The following TANC2 variants were observed in gnomAD, a reference collection of about 807,000 sequenced individuals.
The protein encoded by TANC2 is protein TANC2.
TANC2 carries 26 observed loss-of-function variants against 210.5 expected under a neutral mutation model. The ratio of observed to expected loss-of-function variants is 0.12; its 90% CI spans 0.09 to 0.17. The LOEUF (loss-of-function observed/expected upper bound fraction) is 0.17. TANC2 is among the 10% of genes least tolerant of loss of function. The probability of loss-of-function intolerance (pLI) is 1.00; values close to 1 mark genes in which losing one functional copy is unlikely to be tolerated. For synonymous variants in TANC2, 931 were observed against 967.1 expected (o/e 0.96, Z 0.69); for missense variants, 2,129 against 2,608.9 (o/e 0.82, Z 4.01).
chr17:62,980,987 C>G (rs1598182265), intron 1 of TANC2, among the ~76,000 whole-genome samples: 2 of 152,164 alleles, frequency 1.3e-5, no homozygotes, highest in East Asian at 3.9e-4. Flanking sequence ...TTGGCCAAAC[C>G]TTGATGAAAA....
intron 2 of TANC2, among the ~76,000 whole-genome samples, chr17:63,057,306 A>G (rs1316517278): frequency 1.3e-5 from 2 of 152,184 alleles, no homozygotes; most frequent in African/African-American, 2.4e-5. Flanking sequence ...AAGGAAGGAA[A>G]ATTGACTTAA....
intron 2 of TANC2, among the ~76,000 whole-genome samples, chr17:63,047,097 C>T (rs1057024024): frequency 1.6e-4 from 24 of 152,118 alleles, no homozygotes; most frequent in African/African-American, 4.8e-4. Flanking sequence ...TCTTCATATA[C>T]GAAGGCAGGG....
chr17:63,354,908 T>A (rs1567946124), exon 14 of TANC2: 1 of 1,613,840 alleles, frequency 6.2e-7, no homozygotes, highest in Non-Finnish European at 8.5e-7. Context: ...AGATCCAGAA[T>A]AACATTTCAC....
intron 9 of TANC2, among the ~76,000 whole-genome samples, chr17:63,289,834 G>C (rs1490760221): frequency 2.0e-5 from 3 of 152,168 alleles, no homozygotes; most frequent in Non-Finnish European, 4.4e-5. Flanking sequence ...GTAGTGAGCT[G>C]TGGGGATGAG....
rs776432017 is a variant in TANC2, at chr17:63,420,537, C to A, written c.4807C>A (p.Pro1603Thr). The change falls in exon 28 of 28, where the codon CCT becomes ACT. Residue 1603 changes from proline (P) to threonine (T), a missense_variant. By Grantham distance (38) the Pro-to-Thr change is conservative. Around this residue, in one of 5 missense-constraint regions of TANC2, gnomAD observed 584 missense variants for 627.3 expected, o/e 0.93. Coordinates refer to ENST00000689528, the Ensembl canonical transcript of TANC2. This position sits in a 1 kb window ranked among gnomAD's most constrained non-coding sequence, Gnocchi z 4.2. Reference sequence around the variant, plus strand: ...GGGAGGATCTTACCGTTTCAGCCCCCCTCCTGTGGGAGGACAGGGCAAAGA... The same window carrying A: ...GGGAGGATCTTACCGTTTCAGCCCCACTCCTGTGGGAGGACAGGGCAAAGA... 5 of 1,613,968 alleles carry A rather than the reference C, an allele frequency of 3.1e-6. No individual in the cohort carries two copies. The South Asian group carries it at 3.3e-5, about 11-fold the overall frequency.
intron 2 of TANC2, among the ~76,000 whole-genome samples, chr17:63,026,147 T>A (rs1013156561): frequency 6.6e-6 from 1 of 152,182 alleles, no homozygotes; most frequent in Non-Finnish European, 1.5e-5. Flanking sequence ...CCCTTCTTCA[T>A]GTCACCTTTT....
chr17:63,207,211 CTTTTTTTTTT>C (rs948663767), intron 7 of TANC2, among the ~76,000 whole-genome samples: 69 of 113,804 alleles, frequency 6.1e-4, no homozygotes, highest in Admixed American at 5.2e-3. Flanking sequence ...TTTTTTTTTC[CTTTTTTTTTT>C]TTTTTTTTTT....
chr17:63,029,330 G>A (rs1272733343), intron 2 of TANC2, among the ~76,000 whole-genome samples: 1 of 152,110 alleles, frequency 6.6e-6, no homozygotes, highest in African/African-American at 2.4e-5. Context: ...CCAGTAGTCT[G>A]TGCCAGACCA....
At chr17:63,173,504 T>A (rs1415104441) in intron 5 of TANC2, among the ~76,000 whole-genome samples, 1 of 152,212 alleles carries the variant, frequency 6.6e-6, no homozygotes, top group Admixed American at 6.5e-5. Flanking sequence ...GCACCCCTAA[T>A]CAATCTCATG....
At chr17:63,344,363 A>G (rs774923540) in intron 12 of TANC2, among the ~76,000 whole-genome samples, 2 of 152,216 alleles carry the variant, frequency 1.3e-5, no homozygotes, top group Non-Finnish European at 2.9e-5. Context: ...GTTTAGTCTG[A>G]TAAAGGACAA....
chr17:63,111,061 C>A (rs541560591), intron 4 of TANC2, among the ~76,000 whole-genome samples: 1 of 152,178 alleles, frequency 6.6e-6, no homozygotes, highest in African/African-American at 2.4e-5. Flanking sequence ...ACCTGTAATC[C>A]CAGCAATTTG....
intron 14 of TANC2, among the ~76,000 whole-genome samples, chr17:63,366,019 A>G (rs1400098489): frequency 1.3e-5 from 2 of 151,914 alleles, no homozygotes; most frequent in Admixed American, 1.3e-4. Flanking sequence ...CTTCCTAATG[A>G]TTAGTAGAGT....
At chr17:63,041,338 A>C (rs2035178570) in intron 2 of TANC2, among the ~76,000 whole-genome samples, 1 of 152,148 alleles carries the variant, frequency 6.6e-6, no homozygotes, top group Non-Finnish European at 1.5e-5. Context: ...TGTTTCATGG[A>C]TCTAAAATGT....
intron 1 of TANC2, among the ~76,000 whole-genome samples, chr17:62,975,160 A>C (rs1370279949): frequency 6.6e-6 from 1 of 152,158 alleles, no homozygotes; most frequent in Non-Finnish European, 1.5e-5. Context: ...TGCTTGGAGA[A>C]TGTGCTTCAA....
chr17:63,141,424 C>T (rs990067150), intron 4 of TANC2, among the ~76,000 whole-genome samples: 3 of 134,356 alleles, frequency 2.2e-5, no homozygotes, highest in Non-Finnish European at 4.8e-5. Context: ...AAAATTAGCC[C>T]GGCATGGTGG....
At chr17:62,969,005 G>T (rs768893639) in intron 1 of TANC2, among the ~76,000 whole-genome samples, 3 of 151,966 alleles carry the variant, frequency 2.0e-5, no homozygotes, top group Non-Finnish European at 4.4e-5. Context: ...CCCGCAGTTG[G>T]TGTATGGAAC....
intron 14 of TANC2, among the ~76,000 whole-genome samples, chr17:63,372,547 G>C (rs1476389641): frequency 6.6e-6 from 1 of 152,144 alleles, no homozygotes; most frequent in Non-Finnish European, 1.5e-5. Context: ...GAATATAAAA[G>C]AAATATAAAA....
chr17:63,128,419 G>A (rs2038791033), intron 4 of TANC2, among the ~76,000 whole-genome samples: 1 of 152,026 alleles, frequency 6.6e-6, no homozygotes, highest in African/African-American at 2.4e-5. Flanking sequence ...TTTGGGTGAA[G>A]GTATTTTAAA....
Position 63,388,802 on chromosome 17 carries a change from GA to G in TANC2, c.2814+51del, listed in dbSNP as rs774906433. On this transcript the variant is annotated intron_variant, in intron 16 of 27. Transcript: ENST00000689528. ...ATAAATATGATAAGGAATTAACTATGAAAAAATAAAACTAGAAGGACATTAA... is the reference window on the plus strand; with the variant it reads ...ATAAATATGATAAGGAATTAACTATGAAAAATAAAACTAGAAGGACATTAA... 5.0e-5 allele frequency: 70 copies of G among 1,408,026 alleles called. 1 individual carries two copies. The South Asian group carries it at 8.7e-4, about 18-fold the overall frequency. The allele number at this position is 1,408,026 out of a possible 1,614,324, so 87.2% of individuals were successfully genotyped here. A position where few individuals can be genotyped will look rare whatever the true frequency, so the allele number is the denominator to read the frequency against.
Sources: gnomAD v4.1 joint callset for allele counts (sites outside exome capture counted in the v4.1 genomes callset) on GRCh38, gnomAD v4.1.1 for gene constraint, gnomAD v4.1.1 regional missense constraint, Gnocchi (gnomAD v3.1) non-coding constraint, MANE v1.5 for transcripts, NCBI Gene and HGNC (gene_info 2026-07-23, HGNC 2026-07-21) for gene names.